Variants in GRAMD1C observed in about 807,000 individuals in gnomAD.
GRAMD1C encodes the protein protein Aster-C.
A neutral mutation model predicts 97.8 loss-of-function variants in GRAMD1C; 89 were observed. That is an observed-to-expected ratio of 0.91 (90% CI 0.77 to 1.09). The LOEUF (loss-of-function observed/expected upper bound fraction) is 1.09, where lower values mean the gene tolerates loss of function less well. Among genes scored for constraint, GRAMD1C ranks in the 50% least tolerant of loss-of-function variants. The probability of loss-of-function intolerance (pLI) is 0.00; values close to 1 mark genes in which losing one functional copy is unlikely to be tolerated. For synonymous variants in GRAMD1C, 256 were observed against 267.0 expected (o/e 0.96, Z 0.40); for missense variants, 740 against 766.4 (o/e 0.97, Z 0.41).
chr3:113,876,247 C>A lies in GRAMD1C; in HGVS notation c.446C>A (p.Thr149Lys), dbSNP rs1332303846. ...ATCCCAAACGCTATCCAGATAGTTA[C>A]AGAAAGTGAAAAGGTGAAAACTTTC... ...RLIPNAIQIV[T>K]ESEKFFFTSF... Residue 149 changes from threonine (T) to lysine (K), a missense_variant, in exon 5 of 18, where the codon ACA becomes AAA. Coordinates refer to ENST00000358160, the MANE Select transcript of GRAMD1C (RefSeq NM_017577.5). 6 of 1,576,252 alleles carry A rather than the reference C, an allele frequency of 3.8e-6. No homozygotes were observed. The highest frequency in any genetic ancestry group is 4.4e-6 in the Non-Finnish European group (5 of 1,146,476).
At chr3:113,884,206 G>A (rs1419954306) in intron 6 of GRAMD1C, among the ~76,000 whole-genome samples, 1 of 151,900 alleles carries the variant, frequency 6.6e-6, no homozygotes, top group Non-Finnish European at 1.5e-5. Flanking sequence ...CGATATGCTA[G>A]GTCAAAAAAC....
chr3:113,928,567 A>G (rs1937306819), intron 10 of GRAMD1C, among the ~76,000 whole-genome samples: 1 of 152,248 alleles, frequency 6.6e-6, no homozygotes, highest in Non-Finnish European at 1.5e-5. Flanking sequence ...CACTGCCACC[A>G]TCCATCTTCA....
intron 5 of GRAMD1C, among the ~76,000 whole-genome samples, chr3:113,879,091 G>A (rs1935165309): frequency 6.6e-6 from 1 of 152,026 alleles, no homozygotes; most frequent in South Asian, 2.1e-4. Flanking sequence ...TGTAATCCCA[G>A]CTATTCAGGA....
At chr3:113,873,245 G>A (rs1259295197) in intron 3 of GRAMD1C, among the ~76,000 whole-genome samples, 1 of 152,096 alleles carries the variant, frequency 6.6e-6, no homozygotes, top group Non-Finnish European at 1.5e-5. Context: ...GGGCGACAGA[G>A]CAAGACCCTG....
At chr3:113,885,907 C>T in intron 6 of GRAMD1C, 5 of 1,612,916 alleles carry the variant, frequency 3.1e-6, no homozygotes, top group Non-Finnish European at 4.2e-6. Flanking sequence ...CCCATCAAAT[C>T]CTGGTTCAGT....
At chr3:113,840,005 C>T (rs920652357) in intron 1 of GRAMD1C, among the ~76,000 whole-genome samples, 2 of 152,140 alleles carry the variant, frequency 1.3e-5, no homozygotes, top group African/African-American at 4.8e-5. Flanking sequence ...CACACACACA[C>T]CCTGAGGTTG....
chr3:113,918,150 T>A (rs1478603375), intron 10 of GRAMD1C, among the ~76,000 whole-genome samples: 3 of 152,110 alleles, frequency 2.0e-5, no homozygotes, highest in Non-Finnish European at 4.4e-5. Flanking sequence ...TTTTGTAATT[T>A]AAAAAAATTA....
rs571201070 is a variant in GRAMD1C, at chr3:113,850,510, C to T, written c.174+5861C>T. The T allele has an allele frequency of 9.5e-6, 15 of 1,578,006 alleles. No individual in the cohort carries two copies. The East Asian group carries it at 2.9e-4, about 31-fold the overall frequency. On this transcript the variant is annotated intron_variant, in intron 2 of 17. Coordinates refer to ENST00000358160, the MANE Select transcript of GRAMD1C (RefSeq NM_017577.5). ...AGATAATCATGGAGATACTGGATGC[C>T]CTCATTGGTAAGGTACCAGTAGAAA...
At chr3:113,858,619 C>T in intron 2 of GRAMD1C, among the ~76,000 whole-genome samples, 1 of 152,132 alleles carries the variant, frequency 6.6e-6, no homozygotes. Flanking sequence ...TGGTCTCCAT[C>T]TCCTGACCTT....
In GRAMD1C at chr3:113,875,479, T is replaced by C. The variant is rs1256800439; in HGVS notation, c.260-5T>C. The C allele has an allele frequency of 4.1e-6, 5 of 1,232,144 alleles. No individual in the cohort carries two copies. Among genetic ancestry groups the C allele is most frequent in the South Asian group, 1.2e-5 (1 of 83,342 alleles). The allele number at this position is 1,232,144 out of a possible 1,614,324, so 76.3% of individuals were successfully genotyped here. On this transcript the variant is annotated splice_polypyrimidine_tract_variant and splice_region_variant and intron_variant, in intron 3 of 17. Coordinates refer to ENST00000358160, the MANE Select transcript of GRAMD1C (RefSeq NM_017577.5). Reference sequence around the variant, plus strand: ...ATAAGCTGTATCTTATTTTTGTGTATATAGATTATGCTTGTGCTCTTCAGA... The same window carrying C: ...ATAAGCTGTATCTTATTTTTGTGTACATAGATTATGCTTGTGCTCTTCAGA...
chr3:113,874,997 G>A (rs183014681), intron 3 of GRAMD1C, among the ~76,000 whole-genome samples: 11 of 152,280 alleles, frequency 7.2e-5, no homozygotes, highest in African/African-American at 2.6e-4. Context: ...TTTACATGAT[G>A]TAGCTTCTCC....
chr3:113,939,920 T>C lies in GRAMD1C; in HGVS notation c.1726T>C (p.Phe576Leu), dbSNP rs756735188. 18 of 1,608,540 alleles carry C rather than the reference T, an allele frequency of 1.1e-5. No homozygotes were observed. The highest frequency in any genetic ancestry group is 1.7e-5 in the Admixed American group (1 of 59,998). ...LLLVLLNVTL[F>L]LKLSKIEHAA... Reference sequence around the variant, plus strand: ...ATTAGTTTTGTTGAATGTGACACTGTTTCTGAAGCTGTCAAAGATAGAACA... The same window carrying C: ...ATTAGTTTTGTTGAATGTGACACTGCTTCTGAAGCTGTCAAAGATAGAACA... Residue 576 changes from phenylalanine (F) to leucine (L), a missense_variant, in exon 16 of 18, where the codon TTT (phenylalanine) becomes CTT (leucine). By Grantham distance (22) the Phe-to-Leu change is conservative (BLOSUM62 0). Transcript: ENST00000358160.
intron 3 of GRAMD1C, among the ~76,000 whole-genome samples, chr3:113,871,839 G>C (rs1176988913): frequency 6.6e-6 from 1 of 151,860 alleles, no homozygotes; most frequent in Admixed American, 6.6e-5. Flanking sequence ...TACTTAGGAG[G>C]CTGAGGTGGG....
intron 9 of GRAMD1C, among the ~76,000 whole-genome samples, chr3:113,914,817 C>T (rs1057064608): frequency 5.3e-5 from 8 of 152,046 alleles, no homozygotes; most frequent in Admixed American, 5.2e-4. Flanking sequence ...CATGGAGCCT[C>T]GGCAATTATT....
intron 6 of GRAMD1C, among the ~76,000 whole-genome samples, chr3:113,886,777 G>GTTTTTTTTTTTT (rs34683672): frequency 3.7e-5 from 3 of 80,042 alleles, no homozygotes; most frequent in Non-Finnish European, 6.9e-5. Flanking sequence ...TTGTTTGCTT[G>GTTTTTTTTTTTT]TTTTTTTTTT....
At chr3:113,891,783 A>T (rs1463674766) in intron 6 of GRAMD1C, among the ~76,000 whole-genome samples, 4 of 151,862 alleles carry the variant, frequency 2.6e-5, no homozygotes, top group African/African-American at 4.8e-5. Context: ...GCTACACAGA[A>T]GGCTGAGGTA....
At chr3:113,866,851 T>C (rs1487456723) in intron 2 of GRAMD1C, among the ~76,000 whole-genome samples, 1 of 150,900 alleles carries the variant, frequency 6.6e-6, no homozygotes. Context: ...TTTTTTGAGA[T>C]GGAGTCTCAC....
At chr3:113,838,743 A>G, upstream of GRAMD1C, 1 of 396,556 alleles carries the variant, frequency 2.5e-6, no homozygotes, top group Non-Finnish European at 4.3e-6. Flanking sequence ...ATCGTCAGGA[A>G]TCCTTCACGG....
At chr3:113,869,661 T>C (rs1934716159) in intron 3 of GRAMD1C, 70 bp downstream of exon 3, 2 of 725,150 alleles carry the variant, frequency 2.8e-6, no homozygotes, top group Non-Finnish European at 4.9e-6. Flanking sequence ...AGTGACAGTA[T>C]ATGTAATAAA....
Sources: allele counts gnomAD v4.1 joint callset (sites outside exome capture counted in the v4.1 genomes callset), GRCh38; gene constraint gnomAD v4.1.1; transcripts MANE v1.5; gene names NCBI Gene and HGNC (gene_info 2026-07-23, HGNC 2026-07-21).